ENTREP1: variants seen among roughly 807,000 people sequenced by gnomAD.
The protein encoded by ENTREP1 is endosomal transmembrane epsin interactor 1.
the ENTREP1 span, chr9:69,383,685 G>C: frequency 6.2e-7 from 1 of 1,614,114 alleles, no homozygotes; most frequent in Non-Finnish European, 8.5e-7. Context: ...TCGAATCAAA[G>C]GTGTGGAAGT....
the ENTREP1 span, among the ~76,000 whole-genome samples, chr9:69,354,549 C>G: frequency 2.0e-5 from 3 of 152,188 alleles, no homozygotes; most frequent in Non-Finnish European, 2.9e-5. Flanking sequence ...TGAGCCACTG[C>G]GCCTGGCCCA....
At chr9:69,334,775 CTTTTTTTTT>C in the ENTREP1 span, among the ~76,000 whole-genome samples, 3 of 130,592 alleles carry the variant, frequency 2.3e-5, no homozygotes, top group East Asian at 6.6e-4. Context: ...CTTTCCTTTT[CTTTTTTTTT>C]TTTTTTTTTT....
the ENTREP1 span, among the ~76,000 whole-genome samples, chr9:69,389,891 G>T: frequency 2.0e-5 from 3 of 151,792 alleles, no homozygotes; most frequent in Non-Finnish European, 4.4e-5. Flanking sequence ...AGATTGTTGT[G>T]ATAGATTTTG....
chr9:69,391,501 A>G, the ENTREP1 span: 1 of 960,946 alleles, frequency 1.0e-6, no homozygotes, highest in South Asian at 1.5e-5. Flanking sequence ...TTTCAAAGCA[A>G]TTACACATTA....
chr9:69,388,205 C>T, the ENTREP1 span: 2 of 1,614,176 alleles, frequency 1.2e-6, no homozygotes, highest in Admixed American at 3.3e-5. Context: ...TGAAAGGAGA[C>T]TGGATCTGGC....
chr9:69,369,460 G>A, the ENTREP1 span, among the ~76,000 whole-genome samples: 1 of 152,140 alleles, frequency 6.6e-6, no homozygotes, highest in African/African-American at 2.4e-5. Context: ...CAGTGTAAAA[G>A]TGTTCCTATT....
the ENTREP1 span, among the ~76,000 whole-genome samples, chr9:69,347,799 C>G: frequency 0.031 from 4,749 of 152,212 alleles, 217 homozygotes; most frequent in African/African-American, 0.1. Context: ...GTTGACCTCC[C>G]TAAGCTCTGC....
At chr9:69,384,974 T>G in the ENTREP1 span, among the ~76,000 whole-genome samples, 2 of 152,144 alleles carry the variant, frequency 1.3e-5, no homozygotes, top group African/African-American at 4.8e-5. Flanking sequence ...CAGGGTGGAG[T>G]GCAATGGGAC....
At chr9:69,363,621 CCCTGAGAGCCTGTGTGGCTTT>C in the ENTREP1 span, among the ~76,000 whole-genome samples, 1 of 152,088 alleles carries the variant, frequency 6.6e-6, no homozygotes, top group East Asian at 1.9e-4. Context: ...TACAGAGGAC[CCCTGAGAGCCTGTGTGGCTTT>C]CCTTTGAGGG....
At chr9:69,385,856 C>A in the ENTREP1 span, 3 of 1,610,396 alleles carry the variant, frequency 1.9e-6, no homozygotes, top group Admixed American at 3.4e-5. Context: ...CCAGTTCAAC[C>A]CTGGTGCGTC....
chr9:69,387,829 A>T, the ENTREP1 span: 2 of 1,180,648 alleles, frequency 1.7e-6, no homozygotes, highest in Non-Finnish European at 2.2e-6. Flanking sequence ...TGGCCCATCC[A>T]TCCCCATCTA....
the ENTREP1 span, among the ~76,000 whole-genome samples, chr9:69,338,771 T>C: frequency 6.6e-6 from 1 of 152,234 alleles, no homozygotes; most frequent in African/African-American, 2.4e-5. Context: ...AAACTGTAAG[T>C]AGGCTGCTGC....
At chr9:69,387,991 C>T in the ENTREP1 span, 1 of 1,275,986 alleles carries the variant, frequency 7.8e-7, no homozygotes, top group East Asian at 3.0e-5. Context: ...AGGGAATAAC[C>T]TTGTGTTGTT....
the ENTREP1 span, among the ~76,000 whole-genome samples, chr9:69,378,743 C>T: frequency 4.4e-5 from 6 of 136,976 alleles, no homozygotes; most frequent in South Asian, 7.3e-4. Flanking sequence ...TGGGTGAGAG[C>T]GAGACTTTGT....
the ENTREP1 span, among the ~76,000 whole-genome samples, chr9:69,342,686 T>G: frequency 6.6e-6 from 1 of 152,258 alleles, no homozygotes; most frequent in African/African-American, 2.4e-5. Flanking sequence ...TGTAAACACA[T>G]TATGAATTAT....
the ENTREP1 span, among the ~76,000 whole-genome samples, chr9:69,373,344 C>G: frequency 6.6e-6 from 1 of 152,136 alleles, no homozygotes; most frequent in Non-Finnish European, 1.5e-5. Context: ...TTGCTCTTCT[C>G]TTCTCTTTCC....
chr9:69,327,754 T>C, the ENTREP1 span, among the ~76,000 whole-genome samples: 1 of 152,222 alleles, frequency 6.6e-6, no homozygotes, highest in Admixed American at 6.5e-5. Flanking sequence ...GATTTGGAAC[T>C]GACAAGTTCT....
At chr9:69,327,373 A>G in the ENTREP1 span, among the ~76,000 whole-genome samples, 1 of 152,210 alleles carries the variant, frequency 6.6e-6, no homozygotes, top group Non-Finnish European at 1.5e-5. Context: ...AAGTCCAGCC[A>G]AATGGTGGGT....
chr9:69,340,437 G>A, the ENTREP1 span, among the ~76,000 whole-genome samples: 355 of 152,226 alleles, frequency 2.3e-3, 3 homozygotes, highest in African/African-American at 7.4e-3. Context: ...AAGTTTTCAC[G>A]GAAATTCAGG....
Sources: allele counts gnomAD v4.1 joint callset (sites outside exome capture counted in the v4.1 genomes callset), GRCh38; gene constraint gnomAD v4.1.1; transcripts MANE v1.5; gene names NCBI Gene and HGNC (gene_info 2026-07-23, HGNC 2026-07-21).